The following CSMD1 variants were observed in gnomAD, a reference collection of about 807,000 sequenced individuals.
The protein encoded by CSMD1 is CUB and Sushi multiple domains 1, also known as CUB and sushi domain-containing protein 1.
In CSMD1, 213 loss-of-function variants were observed where a neutral mutation model predicts 417.5. That is an observed-to-expected ratio of 0.51 (90% CI 0.46 to 0.57). The LOEUF is 0.57. Among genes scored for constraint, CSMD1 ranks in the 20% least tolerant of loss-of-function variants. The probability of loss-of-function intolerance (pLI) is 0.00; values close to 1 mark genes in which losing one functional copy is unlikely to be tolerated. For synonymous variants in CSMD1, 2,862 were observed against 1,736.8 expected (o/e 1.65, Z -16.11); for missense variants, 6,923 against 4,529.7 (o/e 1.53, Z -15.17).
intron 51 of CSMD1, among the ~76,000 whole-genome samples, chr8:3,019,469 TA>T (rs1809166767): frequency 6.6e-6 from 1 of 152,240 alleles, no homozygotes; most frequent in Non-Finnish European, 1.5e-5. Flanking sequence ...AGTGTGGTAT[TA>T]AAATCTAGGA....
intron 6 of CSMD1, among the ~76,000 whole-genome samples, chr8:3,744,804 ATTTAT>A (rs80102937): frequency 0.2 from 29,986 of 152,060 alleles, 3,642 homozygotes; most frequent in South Asian, 0.36. Flanking sequence ...TGACATTCTT[ATTTAT>A]TTTGTTTCAT....
rs537078990 is a variant in CSMD1 at position 4,752,684 on chromosome 8, G to C, written c.86-115126C>G. On this transcript the variant is annotated intron_variant, in intron 1 of 69. Coordinates refer to ENST00000635120, the MANE Select transcript of CSMD1 (RefSeq NM_033225.6). ...GCAGATAAAATCTGATGGTGAAATG[G>C]GATTGCTCTACACAGGGGTGGTTTA... Among the ~76,000 whole-genome samples the C allele has an allele frequency of 4.3e-4, 65 of 152,078 alleles. 1 individual carries two copies. Among genetic ancestry groups the C allele is most frequent in the Admixed American group, 2.6e-3 (40 of 15,276 alleles).
chr8:3,546,603 A>G (rs1798675188), intron 10 of CSMD1, among the ~76,000 whole-genome samples: 1 of 152,194 alleles, frequency 6.6e-6, no homozygotes, highest in African/African-American at 2.4e-5. Context: ...GCAATTGTCA[A>G]AAGTTTTGAA....
chr8:4,329,677 A>C (rs775065064), intron 3 of CSMD1, among the ~76,000 whole-genome samples: 1 of 152,116 alleles, frequency 6.6e-6, no homozygotes, highest in African/African-American at 2.4e-5. Context: ...CCCAAATCTC[A>C]TGTTGAGATG....
At chr8:3,776,244 T>C (rs1035443944) in intron 5 of CSMD1, among the ~76,000 whole-genome samples, 3 of 152,168 alleles carry the variant, frequency 2.0e-5, no homozygotes, top group African/African-American at 7.2e-5. Context: ...GGTCACAGCC[T>C]CCCTGCTTCT....
chr8:4,534,905 G>A (rs1466750707), intron 2 of CSMD1, among the ~76,000 whole-genome samples: 1 of 152,122 alleles, frequency 6.6e-6, no homozygotes, highest in Admixed American at 6.5e-5. Context: ...TGGGACTACA[G>A]GTGCCTGCCA....
chr8:3,487,174 A>T (rs1439674520), intron 11 of CSMD1, among the ~76,000 whole-genome samples: 2 of 151,154 alleles, frequency 1.3e-5, no homozygotes, highest in African/African-American at 4.9e-5. Context: ...TTCAGACAAC[A>T]GTGATTGATG....
At chr8:4,837,141 G>C (rs1485956257) in intron 1 of CSMD1, among the ~76,000 whole-genome samples, 1 of 152,054 alleles carries the variant, frequency 6.6e-6, no homozygotes, top group Non-Finnish European at 1.5e-5. Context: ...ATAATGTTAT[G>C]TCTAAATTGA....
rs1220394179 is a variant in CSMD1, at chr8:4,254,301, T to A, written c.415+165652A>T. ...CAGTTACTTCCCTAAAAACACAGAA[T>A]CAGGAATTCGATTATTGATAACATT... is the stretch of plus-strand genomic sequence containing the variant. On this transcript the variant is annotated intron_variant, in intron 3 of 69. Coordinates refer to ENST00000635120, the MANE Select transcript of CSMD1 (RefSeq NM_033225.6). Among the ~76,000 whole-genome samples, 7 of 152,208 alleles carry A rather than the reference T, an allele frequency of 4.6e-5. No individual in the cohort carries two copies. In the South Asian group the frequency reaches 1.5e-3, roughly 32 times the overall value.
At chr8:4,022,259 T>G in intron 4 of CSMD1, among the ~76,000 whole-genome samples, 1 of 150,856 alleles carries the variant, frequency 6.6e-6, no homozygotes, top group East Asian at 1.9e-4. Flanking sequence ...GCCTCACTAT[T>G]CATTTGCTTA....
At chr8:4,905,316 G>T (rs1224955164) in intron 1 of CSMD1, among the ~76,000 whole-genome samples, 2 of 152,012 alleles carry the variant, frequency 1.3e-5, no homozygotes, top group Non-Finnish European at 2.9e-5. Flanking sequence ...AACTCGCTGT[G>T]TCAAGTAATA....
chr8:3,545,327 A>G (rs1798612507), intron 10 of CSMD1, among the ~76,000 whole-genome samples: 1 of 152,238 alleles, frequency 6.6e-6, no homozygotes, highest in Non-Finnish European at 1.5e-5. Flanking sequence ...CTATAGTACT[A>G]CATAAACTGG....
intron 1 of CSMD1, among the ~76,000 whole-genome samples, chr8:4,728,738 T>A (rs1460190420): frequency 6.6e-6 from 1 of 152,072 alleles, no homozygotes; most frequent in Non-Finnish European, 1.5e-5. Flanking sequence ...GATGCTCAAT[T>A]AATATTTCTA....
At chr8:3,801,999 A>T (rs952307937) in intron 5 of CSMD1, among the ~76,000 whole-genome samples, 4 of 152,140 alleles carry the variant, frequency 2.6e-5, no homozygotes, top group African/African-American at 9.7e-5. Flanking sequence ...AAATATTCTA[A>T]AATCGGATTG....
At position 3,655,998 on chromosome 8, in the gene CSMD1, T is replaced by C. The variant is rs149495029; in HGVS notation, c.1010-39201A>G. On this transcript the variant is annotated intron_variant, in intron 7 of 69. Transcript: ENST00000635120. ...GAACCCCTTTCACTGAAAGGGTTGG[T>C]GAAATAAGTTTTATTCTGCAAAGAT... Among the ~76,000 whole-genome samples the C allele has an allele frequency of 5.2e-4, 79 of 152,188 alleles. No individual in the cohort carries two copies. The Middle Eastern group carries it at 0.01, about 20-fold the overall frequency.
intron 7 of CSMD1, among the ~76,000 whole-genome samples, chr8:3,671,343 G>C (rs1013425733): frequency 1.4e-5 from 2 of 147,698 alleles, no homozygotes; most frequent in Admixed American, 1.4e-4. Context: ...ATTACATGCT[G>C]TATTGTATTT....
chr8:4,945,081 T>C (rs1191670554), intron 1 of CSMD1, among the ~76,000 whole-genome samples: 4 of 151,990 alleles, frequency 2.6e-5, no homozygotes, highest in South Asian at 2.1e-4. Flanking sequence ...AGGAAGAAAA[T>C]CCTGACATAG....
At chr8:4,116,776 G>A (rs184668881) in intron 3 of CSMD1, among the ~76,000 whole-genome samples, 6 of 151,956 alleles carry the variant, frequency 3.9e-5, no homozygotes, top group African/African-American at 1.5e-4. Context: ...AAACTCTATA[G>A]TCTGTTCGGT....
At chr8:4,992,951 G>C (rs575150113) in intron 1 of CSMD1, among the ~76,000 whole-genome samples, 2 of 152,210 alleles carry the variant, frequency 1.3e-5, no homozygotes, top group South Asian at 2.1e-4. Flanking sequence ...GGTGCTGAGC[G>C]GTCAGCTTTC....
Sources: gnomAD v4.1 joint callset for allele counts (sites outside exome capture counted in the v4.1 genomes callset) on GRCh38, gnomAD v4.1.1 for gene constraint, MANE v1.5 for transcripts, NCBI Gene and HGNC (gene_info 2026-07-23, HGNC 2026-07-21) for gene names.